DNM3: variants seen among roughly 807,000 people sequenced by gnomAD.
DNM3 encodes the protein dynamin-3.
DNM3 carries 47 observed loss-of-function variants against 101.6 expected under a neutral mutation model. That is an observed-to-expected ratio of 0.46 (90% confidence interval 0.37 to 0.59). The LOEUF (loss-of-function observed/expected upper bound fraction) is 0.59, where lower values mean the gene tolerates loss of function less well. Ranked by LOEUF, DNM3 falls within the 20% of genes least tolerant of loss-of-function variation. The probability of loss-of-function intolerance (pLI) is 0.00; values close to 1 mark genes in which losing one functional copy is unlikely to be tolerated. For synonymous variants in DNM3, 385 were observed against 387.9 expected (o/e 0.99, Z 0.09); for missense variants, 849 against 1,085.7 (o/e 0.78, Z 3.06).
At chr1:172,129,754 T>C (rs2056834639) in intron 13 of DNM3, among the ~76,000 whole-genome samples, 1 of 152,124 alleles carries the variant, frequency 6.6e-6, no homozygotes, top group Non-Finnish European at 1.5e-5. Flanking sequence ...CACATGGGAA[T>C]TGTGGGAGTT....
chr1:172,319,372 G>T (rs2065575769), intron 16 of DNM3, among the ~76,000 whole-genome samples: 1 of 152,102 alleles, frequency 6.6e-6, no homozygotes, highest in South Asian at 2.1e-4. Context: ...GGCAACAAAA[G>T]CCAAAATTGA....
chr1:171,960,404 G>A (rs748822161), intron 2 of DNM3, among the ~76,000 whole-genome samples: 3 of 152,192 alleles, frequency 2.0e-5, no homozygotes, highest in Non-Finnish European at 4.4e-5. Context: ...TATAATGAAT[G>A]ATAACTAGTG....
chr1:172,281,083 G>A lies in DNM3; in HGVS notation c.1769+27401G>A, dbSNP rs138896066. Among the ~76,000 whole-genome samples the A allele has an allele frequency of 2.0e-5, 3 of 152,080 alleles. No individual in the cohort carries two copies. In the East Asian group the frequency reaches 5.8e-4, roughly 29 times the overall value. On this transcript the variant is annotated intron_variant, in intron 15 of 20. Coordinates refer to ENST00000627582, the MANE Select transcript of DNM3 (RefSeq NM_015569.5). ...GTGATAATATTGTGTGTGTGTGTGT[G>A]TGTGTGTGTATGTGTGATAATGGAG...
chr1:172,083,822 G>A (rs935460585), intron 12 of DNM3, among the ~76,000 whole-genome samples: 6 of 152,002 alleles, frequency 3.9e-5, no homozygotes, highest in Admixed American at 6.5e-5. Context: ...GTTTCCAAGG[G>A]CAGGTGATTT....
At chr1:172,151,460 A>G (rs1415679899) in intron 14 of DNM3, among the ~76,000 whole-genome samples, 1 of 152,106 alleles carries the variant, frequency 6.6e-6, no homozygotes, top group Non-Finnish European at 1.5e-5. Flanking sequence ...TTTGGGGAAC[A>G]CTCACTTTAC....
chr1:171,868,866 A>G (rs1186212662), intron 1 of DNM3, among the ~76,000 whole-genome samples: 5 of 151,718 alleles, frequency 3.3e-5, no homozygotes, highest in African/African-American at 1.2e-4. Flanking sequence ...TCACTGCAAC[A>G]TCTGCCTCCC....
chr1:172,249,835 A>T (rs567188211), intron 14 of DNM3, among the ~76,000 whole-genome samples: 1 of 152,260 alleles, frequency 6.6e-6, no homozygotes. Context: ...CTGTCATGAA[A>T]CTTGTTTCTA....
At chr1:171,906,275 G>A (rs556805903) in intron 1 of DNM3, among the ~76,000 whole-genome samples, 13 of 151,784 alleles carry the variant, frequency 8.6e-5, no homozygotes, top group Non-Finnish European at 1.5e-4. Flanking sequence ...CCAAAGGCAC[G>A]TGCCACCACA....
intron 17 of DNM3, chr1:172,338,987 T>G (rs1029689804): frequency 3.8e-5 from 17 of 443,190 alleles, no homozygotes; most frequent in African/African-American, 8.2e-5. Flanking sequence ...ATTAACTTGT[T>G]CAAAGGTGTA....
intron 1 of DNM3, among the ~76,000 whole-genome samples, chr1:171,844,789 G>A (rs1375815974): frequency 3.9e-5 from 6 of 152,180 alleles, no homozygotes; most frequent in Non-Finnish European, 7.3e-5. Context: ...TCTGAACATA[G>A]GGGTTTACTA....
intron 11 of DNM3, among the ~76,000 whole-genome samples, chr1:172,071,790 A>G (rs764296898): frequency 1.3e-5 from 2 of 152,194 alleles, no homozygotes; most frequent in Non-Finnish European, 1.5e-5. Context: ...CTGGGCAACT[A>G]CTGCTACCAG....
At chr1:172,065,531 T>G (rs2051583305) in intron 10 of DNM3, among the ~76,000 whole-genome samples, 2 of 152,152 alleles carry the variant, frequency 1.3e-5, no homozygotes, top group African/African-American at 4.8e-5. Context: ...AAAAAATAAC[T>G]TGGAGGACTT....
At chr1:172,098,697 A>G (rs1426726876) in intron 13 of DNM3, among the ~76,000 whole-genome samples, 3 of 152,238 alleles carry the variant, frequency 2.0e-5, no homozygotes, top group Non-Finnish European at 4.4e-5. Context: ...AAGAAATTAT[A>G]AAAGTATTAA....
chr1:171,909,062 G>C (rs1333630388), intron 1 of DNM3, among the ~76,000 whole-genome samples: 2 of 151,996 alleles, frequency 1.3e-5, no homozygotes, highest in Non-Finnish European at 2.9e-5. Context: ...AAATGACATA[G>C]TCTTTGCTGT....
chr1:172,116,943 C>T (rs1200110917), intron 13 of DNM3, among the ~76,000 whole-genome samples: 9 of 152,046 alleles, frequency 5.9e-5, no homozygotes, highest in Non-Finnish European at 1.0e-4. Context: ...TGGTGGTTCC[C>T]GCTTGTATTC....
chr1:171,908,815 A>G (rs12130277), intron 1 of DNM3, among the ~76,000 whole-genome samples: 13,338 of 152,162 alleles, frequency 0.088, 765 homozygotes, highest in South Asian at 0.23. Context: ...AATCTTTCTT[A>G]AAAGTAGGAG....
intron 14 of DNM3, among the ~76,000 whole-genome samples, chr1:172,142,965 T>C (rs1260060363): frequency 1.3e-5 from 2 of 151,988 alleles, no homozygotes; most frequent in African/African-American, 4.8e-5. Context: ...CAAGTCACAA[T>C]AGAAAATGAA....
chr1:171,926,145 T>A (rs1247491370), intron 2 of DNM3, among the ~76,000 whole-genome samples: 1 of 152,158 alleles, frequency 6.6e-6, no homozygotes, highest in Non-Finnish European at 1.5e-5. Context: ...AGTTGGGTAA[T>A]GTGATGCCTC....
intron 2 of DNM3, among the ~76,000 whole-genome samples, chr1:171,942,260 G>A (rs1216599827): frequency 7.4e-5 from 10 of 134,406 alleles, no homozygotes; most frequent in Admixed American, 1.7e-4. Flanking sequence ...TTTCTGCTTG[G>A]AGTCTGGACC....
Sources: allele counts gnomAD v4.1 joint callset (sites outside exome capture counted in the v4.1 genomes callset), GRCh38; gene constraint gnomAD v4.1.1; transcripts MANE v1.5; gene names NCBI Gene and HGNC (gene_info 2026-07-23, HGNC 2026-07-21).